Variants in MGAT5B observed in about 807,000 individuals in gnomAD.
MGAT5B encodes the protein N-acetylglucosaminyl-transferase Vb.
MGAT5B carries 54 observed loss-of-function variants against 95.1 expected under a neutral mutation model. That is an observed-to-expected ratio of 0.57 (90% CI 0.46 to 0.71). The LOEUF (loss-of-function observed/expected upper bound fraction) is 0.71, where lower values mean the gene tolerates loss of function less well. Among genes scored for constraint, MGAT5B ranks in the 30% least tolerant of loss-of-function variants. The probability of loss-of-function intolerance (pLI) is 0.00; values close to 1 mark genes in which losing one functional copy is unlikely to be tolerated. For synonymous variants in MGAT5B, 464 were observed against 451.0 expected, an observed-to-expected ratio of 1.03 and a Z score of -0.36; for missense variants, 935 against 1,088.6, an observed-to-expected ratio of 0.86 and a Z score of 1.99.
Position 76,904,308 on chromosome 17 carries a change from C to T in MGAT5B, c.576C>T (p.Gly192=), listed in dbSNP as rs1232288032. Residue 192 remains glycine, a synonymous_variant, in exon 6 of 18, where the codon GGC becomes GGT. Coordinates refer to ENST00000569840, the MANE Select transcript of MGAT5B (RefSeq NM_001199172.2). ...GCTACGCCTTCTTTGGGGTGGACGG[C>T]ACCGAGTGCTCCTTCCTCATCTACC... is the stretch of plus-strand genomic sequence containing the variant. The part of the protein sequence containing the change: ...DPCYAFFGVD[G]TECSFLIYLS... 12 of 1,610,192 alleles carry T rather than the reference C, an allele frequency of 7.5e-6. No homozygotes were observed. The highest frequency in any genetic ancestry group is 2.2e-5 in the South Asian group (2 of 89,966).
intron 2 of MGAT5B, 40 bp downstream of exon 2, chr17:76,873,003 G>A (rs1197003717): frequency 8.7e-6 from 14 of 1,603,816 alleles, no homozygotes; most frequent in Non-Finnish European, 1.2e-5. Context: ...ATGAGTGAGG[G>A]CGTTTGTGGG....
At chr17:76,877,407 C>CAGCT (rs1967231448) in intron 2 of MGAT5B, among the ~76,000 whole-genome samples, 1 of 151,564 alleles carries the variant, frequency 6.6e-6, no homozygotes. Flanking sequence ...GTCCATGGCA[C>CAGCT]AGCTGCATGT....
At chr17:76,872,787 T>C (rs1291761058) in intron 1 of MGAT5B, 64 bp from the exon 2 acceptor site, 3 of 1,613,912 alleles carry the variant, frequency 1.9e-6, no homozygotes, top group Non-Finnish European at 2.5e-6. Context: ...AGCCGGTACG[T>C]GGTGGAGCGT....
rs536719219 is a variant in MGAT5B at position 76,938,347 on chromosome 17, G to A, written c.1584+204G>A. Among the ~76,000 whole-genome samples the A allele has an allele frequency of 6.6e-6, 1 of 152,236 alleles. No individual in the cohort carries two copies. Among genetic ancestry groups the A allele is most frequent in the South Asian group, 2.1e-4 (1 of 4,836 alleles). ...GGCAGGAGAGGTCCTATAGAGAAAG[G>A]GACCTGGGCAGGGCCAGCAGAGCAG... On this transcript the variant is annotated intron_variant, in intron 13 of 17. Coordinates refer to ENST00000569840, the MANE Select transcript of MGAT5B (RefSeq NM_001199172.2). The surrounding 1 kb of genome is among the most constrained non-coding windows in gnomAD (Gnocchi z 4.3).
rs146043528 is a variant in MGAT5B at position 76,926,627 on chromosome 17, G to A, written c.1188G>A (p.Gly396=). 5.8e-5 allele frequency: 94 copies of A among 1,612,620 alleles called. No homozygotes were observed. The highest frequency in any genetic ancestry group is 3.3e-4 in the Admixed American group (20 of 60,012). Residue 396 remains glycine, a synonymous_variant, in exon 10 of 18, where the codon GGG becomes GGA. Coordinates refer to ENST00000569840, the MANE Select transcript of MGAT5B (RefSeq NM_001199172.2). ...GAATCAGGGTCATCGACACCTTCGG[G>A]ACGGAACCTGCGTACAACCACGAGG... ...RCRIRVIDTF[G]TEPAYNHEEY...
At chr17:76,904,648 G>A (rs1013707455) in intron 6 of MGAT5B, among the ~76,000 whole-genome samples, 2 of 152,264 alleles carry the variant, frequency 1.3e-5, no homozygotes, top group African/African-American at 4.8e-5. Context: ...GCAGGTGGGG[G>A]GCCTGGAGAT....
rs2145215363 is a variant in MGAT5B, at chr17:76,915,266, C to G, written c.1025+9079C>G. 6.7e-6 allele frequency among the ~76,000 whole-genome samples: 1 copy of G among 150,048 alleles called. No homozygotes were observed. The highest frequency in any genetic ancestry group is 2.1e-4 in the South Asian group (1 of 4,770). ...AGGGTCCCAGGAGGAGGGACAGGGA[C>G]AGCTCTTCTGCCCTGAGAGGAGAGA... On this transcript the variant is annotated intron_variant, in intron 8 of 17. Coordinates refer to ENST00000569840, the MANE Select transcript of MGAT5B (RefSeq NM_001199172.2). The surrounding 1 kb of genome is among the most constrained non-coding windows in gnomAD (Gnocchi z 8.7).
rs1216754190 is a variant in MGAT5B at position 76,902,615 on chromosome 17, C to T, written c.390C>T (p.Asp130=). 6 of 1,604,458 alleles carry T rather than the reference C, an allele frequency of 3.7e-6. No individual in the cohort carries two copies. The Admixed American group carries it at 8.4e-5, about 23-fold the overall frequency. ...AGGCTATTGCCCAGAACGTCTCCGA[C>T]ATCGCTGTGAAGGTGGACCAGATCC... is the stretch of plus-strand genomic sequence containing the variant. ...RIQAIAQNVS[D]IAVKVDQILR... Residue 130 remains aspartate (D), a synonymous_variant, in exon 4 of 18, where the codon GAC becomes GAT. Transcript: ENST00000569840.
At chr17:76,903,868 T>C (rs1968417222) in intron 5 of MGAT5B, among the ~76,000 whole-genome samples, 1 of 152,206 alleles carries the variant, frequency 6.6e-6, no homozygotes, top group Non-Finnish European at 1.5e-5. Flanking sequence ...CCGCCCTGGC[T>C]CCAGCCCTGG....
chr17:76,938,169 C>T lies in MGAT5B; in HGVS notation c.1584+26C>T, dbSNP rs746818137. 2 of 1,609,850 alleles carry T rather than the reference C, an allele frequency of 1.2e-6. No individual in the cohort carries two copies. The highest frequency in any genetic ancestry group is 3.3e-5 in the Admixed American group (2 of 59,914). On this transcript the variant is annotated intron_variant, in intron 13 of 17. Transcript: ENST00000569840. The surrounding 1 kb of genome is among the most constrained non-coding windows in gnomAD (Gnocchi z 4.3). The stretch of plus-strand genomic sequence containing the variant: ...GTGAGCTCCCATCCCCCGCACCATT[C>T]TCACACTTGCCGGCTGCAGACACTG...
At chr17:76,907,591 T>A (rs1968579380) in intron 8 of MGAT5B, among the ~76,000 whole-genome samples, 1 of 152,274 alleles carries the variant, frequency 6.6e-6, no homozygotes, top group Non-Finnish European at 1.5e-5. Context: ...GAATGTGCCA[T>A]AATTATGTAT....
chr17:76,940,857 AG>A lies in MGAT5B; in HGVS notation c.1848+10del. On this transcript the variant is annotated intron_variant, in intron 15 of 17. Transcript: ENST00000569840. This position sits in a 1 kb window ranked among gnomAD's most constrained non-coding sequence, Gnocchi z 4.3. ...CCATTATGAGAACTCAGGTGAGAGC[AG>A]CCACATACAGTTGAGACCCCCCACT... 1 of 1,604,074 alleles carries A rather than the reference AG, an allele frequency of 6.2e-7. No individual in the cohort carries two copies. The highest frequency in any genetic ancestry group is 8.5e-7 in the Non-Finnish European group (1 of 1,170,998).
Position 76,938,172 on chromosome 17 carries a change from A to G in MGAT5B, c.1584+29A>G. On this transcript the variant is annotated intron_variant, in intron 13 of 17. Coordinates refer to ENST00000569840, the MANE Select transcript of MGAT5B (RefSeq NM_001199172.2). The surrounding 1 kb of genome is among the most constrained non-coding windows in gnomAD (Gnocchi z 4.3). ...AGCTCCCATCCCCCGCACCATTCTC[A>G]CACTTGCCGGCTGCAGACACTGAGG... is the stretch of plus-strand genomic sequence containing the variant. The G allele has an allele frequency of 6.2e-7, 1 of 1,602,700 alleles. No individual in the cohort carries two copies. Among genetic ancestry groups the G allele is most frequent in the South Asian group, 1.1e-5 (1 of 90,700 alleles).
rs1968488383 is a variant in MGAT5B, at chr17:76,905,474, G to C, written c.855+141G>C. ...GAGGGAGAGAGGGGTAGGGATGGCAGAGTCGGGATAGATGTCTGTGGTGGT... is the reference window on the plus strand; with the variant it reads ...GAGGGAGAGAGGGGTAGGGATGGCACAGTCGGGATAGATGTCTGTGGTGGT... On this transcript the variant is annotated intron_variant, in intron 7 of 17. Coordinates refer to ENST00000569840, the MANE Select transcript of MGAT5B (RefSeq NM_001199172.2). The surrounding 1 kb of genome is among the most constrained non-coding windows in gnomAD (Gnocchi z 4.2). The C allele has an allele frequency of 1.2e-6, 1 of 808,662 alleles. No individual in the cohort carries two copies. The highest frequency in any genetic ancestry group is 1.7e-5 in the African/African-American group (1 of 58,008). The allele number at this position is 808,662 out of a possible 1,614,324, so 50.1% of individuals were successfully genotyped here.
Position 76,921,466 on chromosome 17 carries a change from G to T in MGAT5B, c.1026-3500G>T, listed in dbSNP as rs1467945997. Among the ~76,000 whole-genome samples the T allele has an allele frequency of 2.6e-5, 4 of 152,194 alleles. No individual in the cohort carries two copies. The East Asian group carries it at 7.7e-4, about 29-fold the overall frequency. On this transcript the variant is annotated intron_variant, in intron 8 of 17. Coordinates refer to ENST00000569840, the MANE Select transcript of MGAT5B (RefSeq NM_001199172.2). ...AGCAGGGGGCCCCTTTTCCTGCCCG[G>T]CTCTGGATCTGGGTGCCAAGGTTTA...
At chr17:76,946,498 A>T in intron 16 of MGAT5B, 48 bp downstream of exon 16, 1 of 1,482,584 alleles carries the variant, frequency 6.7e-7, no homozygotes, top group South Asian at 1.3e-5. Flanking sequence ...AGACCAGAGG[A>T]GGGGGCTGAG....
At chr17:76,948,221 G>A (rs1307185262) in intron 17 of MGAT5B, 135 bp downstream of exon 17, 12 of 1,424,790 alleles carry the variant, frequency 8.4e-6, no homozygotes. Context: ...AATGAGTCAG[G>A]AAGGATCCAG....
At chr17:76,874,362 G>C (rs534398377) in intron 2 of MGAT5B, among the ~76,000 whole-genome samples, 57 of 152,254 alleles carry the variant, frequency 3.7e-4, no homozygotes, top group Non-Finnish European at 6.9e-4. Flanking sequence ...GGACCAAGGA[G>C]GTGCTGGAGT....
intron 16 of MGAT5B, 89 bp downstream of exon 16, chr17:76,946,539 C>T (rs1970035102): frequency 1.8e-6 from 2 of 1,130,610 alleles, no homozygotes; most frequent in Admixed American, 3.0e-5. Context: ...GGGCCCTGCA[C>T]CCGTGAAACC....
Sources: allele counts gnomAD v4.1 joint callset (sites outside exome capture counted in the v4.1 genomes callset), GRCh38; gene constraint gnomAD v4.1.1; non-coding constraint Gnocchi (gnomAD v3.1); transcripts MANE v1.5; gene names NCBI Gene and HGNC (gene_info 2026-07-23, HGNC 2026-07-21).